NKAIN2: variants seen among roughly 807,000 people sequenced by gnomAD.
NKAIN2 encodes the protein sodium/potassium-transporting ATPase subunit beta-1-interacting protein 2.
NKAIN2 carries 14 observed loss-of-function variants against 32.6 expected under a neutral mutation model. That is an observed-to-expected ratio of 0.43 (90% CI 0.28 to 0.67). NKAIN2 has a LOEUF of 0.67. Ranked by LOEUF, NKAIN2 falls within the 30% of genes least tolerant of loss-of-function variation. The pLI, the probability that NKAIN2 is intolerant of heterozygous loss-of-function variation, is 0.17. For synonymous variants in NKAIN2, 80 were observed against 87.2 expected (o/e 0.92, Z 0.46); for missense variants, 198 against 258.3 (o/e 0.77, Z 1.60).
chr6:124,554,126 C>T (rs540367792), intron 3 of NKAIN2, among the ~76,000 whole-genome samples: 2 of 152,288 alleles, frequency 1.3e-5, no homozygotes, highest in Non-Finnish European at 2.9e-5. Context: ...AGATTATTGT[C>T]TTTGCTAAAC....
chr6:124,765,772 CATTAA>C (rs749327110), intron 4 of NKAIN2, among the ~76,000 whole-genome samples: 11 of 152,276 alleles, frequency 7.2e-5, no homozygotes, highest in Non-Finnish European at 1.0e-4. Context: ...TCCTTAATCT[CATTAA>C]ATTAAACTAT....
intron 1 of NKAIN2, among the ~76,000 whole-genome samples, chr6:124,045,890 T>C (rs1196926441): frequency 1.3e-5 from 2 of 152,008 alleles, no homozygotes; most frequent in African/African-American, 2.4e-5. Flanking sequence ...TGAGTTTAAA[T>C]TGAAATAATT....
intron 4 of NKAIN2, among the ~76,000 whole-genome samples, chr6:124,676,863 C>G (rs773812251): frequency 6.6e-6 from 1 of 152,166 alleles, no homozygotes; most frequent in Non-Finnish European, 1.5e-5. Context: ...CTTTTTCCAT[C>G]CTTTCACATT....
At chr6:124,355,868 G>GT (rs1255927111) in intron 3 of NKAIN2, among the ~76,000 whole-genome samples, 3 of 152,144 alleles carry the variant, frequency 2.0e-5, no homozygotes, top group East Asian at 1.9e-4. Flanking sequence ...TTTTCATTTA[G>GT]TTTTTTTGTG....
At chr6:124,492,973 T>C (rs549590427) in intron 3 of NKAIN2, among the ~76,000 whole-genome samples, 1 of 151,918 alleles carries the variant, frequency 6.6e-6, no homozygotes, top group South Asian at 2.1e-4. Context: ...TTAGATGAGT[T>C]CAGGCAATAC....
intron 3 of NKAIN2, among the ~76,000 whole-genome samples, chr6:124,483,135 G>T (rs1424087343): frequency 6.6e-6 from 1 of 151,880 alleles, no homozygotes; most frequent in Non-Finnish European, 1.5e-5. Flanking sequence ...AAAAGGAAAT[G>T]TGGTAAGCAA....
chr6:124,675,591 C>T (rs1773320690), intron 4 of NKAIN2, among the ~76,000 whole-genome samples: 1 of 151,990 alleles, frequency 6.6e-6, no homozygotes, highest in African/African-American at 2.4e-5. Flanking sequence ...AGATTATATA[C>T]TTTTAGGAAT....
chr6:124,405,119 G>T (rs1773792234), intron 3 of NKAIN2, among the ~76,000 whole-genome samples: 1 of 152,152 alleles, frequency 6.6e-6, no homozygotes, highest in South Asian at 2.1e-4. Context: ...AATGGTTGCA[G>T]ATCAGATTGG....
intron 3 of NKAIN2, among the ~76,000 whole-genome samples, chr6:124,522,612 T>C (rs150837192): frequency 8.3e-4 from 127 of 152,320 alleles, no homozygotes; most frequent in African/African-American, 3.0e-3. Flanking sequence ...TTATTTGCTA[T>C]TGCAAATAGA....
chr6:124,482,847 TGTG>T (rs763075379), intron 3 of NKAIN2, among the ~76,000 whole-genome samples: 9 of 152,152 alleles, frequency 5.9e-5, no homozygotes, highest in South Asian at 2.1e-4. Context: ...CTATAAGAAA[TGTG>T]GTGGCTGGGC....
intron 1 of NKAIN2, among the ~76,000 whole-genome samples, chr6:123,976,345 TCCCATATATATATATATATATA>T (rs1227883335): frequency 0.12 from 1,040 of 8,408 alleles, 257 homozygotes; most frequent in Middle Eastern, 0.5. Flanking sequence ...ATATATATGT[TCCCATATATATATATATATATA>T]TTCCCATATA....
At chr6:123,981,654 A>G (rs936275095) in intron 1 of NKAIN2, among the ~76,000 whole-genome samples, 10 of 152,228 alleles carry the variant, frequency 6.6e-5, no homozygotes, top group South Asian at 6.2e-4. Flanking sequence ...AATTTGGTCC[A>G]TGCTGCTTCA....
At chr6:124,515,131 C>T (rs1778854960) in intron 3 of NKAIN2, among the ~76,000 whole-genome samples, 1 of 152,064 alleles carries the variant, frequency 6.6e-6, no homozygotes, top group Admixed American at 6.6e-5. Flanking sequence ...AATCTTTATT[C>T]ACATTATATT....
At chr6:123,818,630 C>G (rs1773797870) in intron 1 of NKAIN2, among the ~76,000 whole-genome samples, 1 of 152,098 alleles carries the variant, frequency 6.6e-6, no homozygotes. Flanking sequence ...TTCGGTAACA[C>G]TTTTTGGTGG....
intron 1 of NKAIN2, among the ~76,000 whole-genome samples, chr6:124,030,148 G>T (rs1294522920): frequency 6.6e-6 from 1 of 152,154 alleles, no homozygotes; most frequent in Non-Finnish European, 1.5e-5. Context: ...ACTGTCTAGT[G>T]CAGGAAAACA....
intron 1 of NKAIN2, among the ~76,000 whole-genome samples, chr6:124,063,526 C>A (rs535199858): frequency 2.6e-4 from 39 of 152,108 alleles, no homozygotes; most frequent in African/African-American, 8.9e-4. Context: ...TAGGTACTTA[C>A]CTCATGAATT....
chr6:124,286,395 A>G (rs79125108), intron 2 of NKAIN2, among the ~76,000 whole-genome samples: 3,438 of 152,136 alleles, frequency 0.023, 60 homozygotes, highest in East Asian at 0.088. Context: ...AATATGAACA[A>G]TTTTAAGGCT....
intron 1 of NKAIN2, among the ~76,000 whole-genome samples, chr6:123,881,728 A>ATAGCTCTC (rs1202438228): frequency 1.3e-5 from 2 of 152,176 alleles, no homozygotes; most frequent in Non-Finnish European, 2.9e-5. Flanking sequence ...TCATATTAGG[A>ATAGCTCTC]TAGCTCTCTG....
chr6:124,461,175 CTT>C (rs1042170839), intron 3 of NKAIN2, among the ~76,000 whole-genome samples: 12 of 151,822 alleles, frequency 7.9e-5, no homozygotes, highest in East Asian at 7.8e-4. Context: ...TAGCAAAACT[CTT>C]TTAATTCCTT....
Sources: allele counts gnomAD v4.1 joint callset (sites outside exome capture counted in the v4.1 genomes callset), GRCh38; gene constraint gnomAD v4.1.1; transcripts MANE v1.5; gene names NCBI Gene and HGNC (gene_info 2026-07-23, HGNC 2026-07-21).